NCKAP5: variants seen among roughly 807,000 people sequenced by gnomAD.
The protein encoded by NCKAP5 is nck-associated protein 5.
NCKAP5 carries 92 observed loss-of-function variants against 167.0 expected under a neutral mutation model. That is an observed-to-expected ratio of 0.55 (90% CI 0.47 to 0.66). The LOEUF is 0.66. NCKAP5 is among the 30% of genes least tolerant of loss of function. NCKAP5 has a pLI of 0.00. For synonymous variants in NCKAP5, 891 were observed against 877.4 expected, an observed-to-expected ratio of 1.02 and a Z score of -0.27; for missense variants, 2,378 against 2,315.0, an observed-to-expected ratio of 1.03 and a Z score of -0.56.
At chr2:133,087,478 C>T (rs1047723175) in intron 6 of NCKAP5, among the ~76,000 whole-genome samples, 2 of 152,194 alleles carry the variant, frequency 1.3e-5, no homozygotes, top group African/African-American at 4.8e-5. Flanking sequence ...ATAGACTTCA[C>T]TGTATGCAAA....
intron 11 of NCKAP5, among the ~76,000 whole-genome samples, chr2:132,831,320 TG>T (rs1365442382): frequency 1.3e-5 from 2 of 152,196 alleles, no homozygotes; most frequent in African/African-American, 2.4e-5. Flanking sequence ...TATCAAGAAC[TG>T]GCATTTCTGG....
At chr2:132,849,047 T>C (rs1206242935) in intron 11 of NCKAP5, among the ~76,000 whole-genome samples, 2 of 152,216 alleles carry the variant, frequency 1.3e-5, no homozygotes, top group Non-Finnish European at 2.9e-5. Context: ...AGGGCAGTTA[T>C]GATGCAGATG....
intron 2 of NCKAP5, among the ~76,000 whole-genome samples, chr2:133,534,280 T>G (rs1486756290): frequency 6.6e-6 from 1 of 152,182 alleles, no homozygotes; most frequent in African/African-American, 2.4e-5. Context: ...ATATCACAAT[T>G]TTAAAAGAAT....
intron 5 of NCKAP5, among the ~76,000 whole-genome samples, chr2:133,190,552 G>T (rs1255360060): frequency 6.6e-6 from 1 of 152,146 alleles, no homozygotes; most frequent in Non-Finnish European, 1.5e-5. Flanking sequence ...AAACAGCATG[G>T]TACTGGTACC....
intron 8 of NCKAP5, among the ~76,000 whole-genome samples, chr2:132,894,566 A>C (rs1480581873): frequency 6.6e-6 from 1 of 152,124 alleles, no homozygotes; most frequent in African/African-American, 2.4e-5. Flanking sequence ...GTTTGTATGA[A>C]ATTATTTTGT....
rs1285380246 is a variant in NCKAP5, at chr2:133,105,228, C to T, written c.341+24750G>A. ...AAAAATTGTTCATGAAAAAATGTAT[C>T]CTCATAGGAGTTATTCTTTGTTTTT... On this transcript the variant is annotated intron_variant, in intron 6 of 19. Transcript: ENST00000409261. Among the ~76,000 whole-genome samples, 3 of 152,248 alleles carry T rather than the reference C, an allele frequency of 2.0e-5. No homozygotes were observed. The East Asian group carries it at 5.8e-4, about 29-fold the overall frequency.
At chr2:133,308,645 T>C (rs1274825309) in intron 3 of NCKAP5, among the ~76,000 whole-genome samples, 1 of 147,180 alleles carries the variant, frequency 6.8e-6, no homozygotes, top group Non-Finnish European at 1.5e-5. Flanking sequence ...ACTATAGAAA[T>C]AATTAAAATA....
At chr2:133,500,767 G>GT (rs1464669726) in intron 3 of NCKAP5, among the ~76,000 whole-genome samples, 1 of 152,148 alleles carries the variant, frequency 6.6e-6, no homozygotes, top group Non-Finnish European at 1.5e-5. Flanking sequence ...ATCTTTATAC[G>GT]TAAGTTTATT....
chr2:133,166,458 T>C lies in NCKAP5; in HGVS notation c.208-36347A>G, dbSNP rs533761196. Reference sequence around the variant, plus strand: ...TAAAACATCTTTTATTTAATTAGTGTTTTGGGGCTTAGTCATTCTTATTAC... The same window carrying C: ...TAAAACATCTTTTATTTAATTAGTGCTTTGGGGCTTAGTCATTCTTATTAC... On this transcript the variant is annotated intron_variant, in intron 5 of 19. Transcript: ENST00000409261. Among the ~76,000 whole-genome samples the C allele has an allele frequency of 2.0e-5, 3 of 152,310 alleles. No individual in the cohort carries two copies. In the South Asian group the frequency reaches 6.2e-4, roughly 32 times the overall value.
intron 5 of NCKAP5, among the ~76,000 whole-genome samples, chr2:133,180,512 A>AT (rs1255109954): frequency 6.6e-6 from 1 of 151,642 alleles, no homozygotes; most frequent in Non-Finnish European, 1.5e-5. Flanking sequence ...TAATTTTTGT[A>AT]TTTTTTTGTA....
intron 3 of NCKAP5, among the ~76,000 whole-genome samples, chr2:133,466,810 T>G (rs1409149328): frequency 6.7e-6 from 1 of 148,184 alleles, no homozygotes; most frequent in African/African-American, 2.4e-5. Flanking sequence ...GGCTCTCTGT[T>G]TGTCTGTTGT....
intron 3 of NCKAP5, among the ~76,000 whole-genome samples, chr2:133,444,920 T>G (rs555647841): frequency 7.9e-5 from 12 of 152,308 alleles, no homozygotes; most frequent in African/African-American, 2.6e-4. Flanking sequence ...AAGAATTATT[T>G]TAACTAATTA....
chr2:133,192,403 C>G (rs1191127852), intron 5 of NCKAP5, among the ~76,000 whole-genome samples: 4 of 151,966 alleles, frequency 2.6e-5, no homozygotes, highest in Non-Finnish European at 4.4e-5. Context: ...AAGGGAAAAC[C>G]TGGGCATCAT....
chr2:133,076,989 A>G (rs2080626272), intron 6 of NCKAP5, among the ~76,000 whole-genome samples: 1 of 152,190 alleles, frequency 6.6e-6, no homozygotes, highest in Non-Finnish European at 1.5e-5. Context: ...GAAAAAAGGG[A>G]TAGAGAATTA....
At chr2:133,294,559 T>C (rs1679825430) in intron 4 of NCKAP5, among the ~76,000 whole-genome samples, 2 of 152,212 alleles carry the variant, frequency 1.3e-5, no homozygotes, top group African/African-American at 4.8e-5. Flanking sequence ...GCAAGCAATT[T>C]CTCTCTCTCA....
chr2:133,285,306 A>T (rs1411567132), intron 4 of NCKAP5, among the ~76,000 whole-genome samples: 1 of 152,250 alleles, frequency 6.6e-6, no homozygotes, highest in Admixed American at 6.5e-5. Flanking sequence ...TGTGACAAAG[A>T]TGAATGTAAA....
At chr2:133,032,686 C>T (rs1267471410) in intron 6 of NCKAP5, among the ~76,000 whole-genome samples, 1 of 152,108 alleles carries the variant, frequency 6.6e-6, no homozygotes, top group Non-Finnish European at 1.5e-5. Flanking sequence ...GGCTTCAGGT[C>T]TATATGAGTC....
At chr2:133,436,140 C>T (rs1690462427) in intron 3 of NCKAP5, among the ~76,000 whole-genome samples, 1 of 152,208 alleles carries the variant, frequency 6.6e-6, no homozygotes, top group Non-Finnish European at 1.5e-5. Context: ...AGCCCAACTA[C>T]AAGTATCTTC....
At chr2:132,696,424 G>T (rs1164213082) in intron 19 of NCKAP5, among the ~76,000 whole-genome samples, 3 of 152,184 alleles carry the variant, frequency 2.0e-5, no homozygotes, top group Non-Finnish European at 4.4e-5. Flanking sequence ...TACTTCTTAT[G>T]TTCAATCACT....
Sources: allele counts gnomAD v4.1 joint callset (sites outside exome capture counted in the v4.1 genomes callset), GRCh38; gene constraint gnomAD v4.1.1; transcripts MANE v1.5; gene names NCBI Gene and HGNC (gene_info 2026-07-23, HGNC 2026-07-21).